Variants in JAZF1 observed in about 807,000 individuals in gnomAD.
The protein encoded by JAZF1 is JAZF zinc finger 1.
A neutral mutation model predicts 26.4 loss-of-function variants in JAZF1; 8 were observed. The ratio of observed to expected loss-of-function variants is 0.30; its 90% confidence interval spans 0.18 to 0.55. The LOEUF (loss-of-function observed/expected upper bound fraction) is 0.55. Ranked by LOEUF, JAZF1 falls within the 20% of genes least tolerant of loss-of-function variation. The probability of loss-of-function intolerance (pLI) is 0.94; values close to 1 mark genes in which losing one functional copy is unlikely to be tolerated. For missense variants in JAZF1, 199 were observed against 322.0 expected (o/e 0.62, Z 2.92); for synonymous variants, 126 against 122.3 (o/e 1.03, Z -0.20).
intron 2 of JAZF1, among the ~76,000 whole-genome samples, chr7:27,961,503 CT>C (rs1349263391): frequency 1.3e-5 from 2 of 152,184 alleles, no homozygotes; most frequent in Non-Finnish European, 2.9e-5. Flanking sequence ...CTGGGAGAAG[CT>C]GGTTTCTATT....
chr7:27,948,568 C>A (rs1784956046), intron 2 of JAZF1, among the ~76,000 whole-genome samples: 1 of 152,210 alleles, frequency 6.6e-6, no homozygotes, highest in Non-Finnish European at 1.5e-5. Context: ...TTGTACACCC[C>A]TGTATTTTCT....
At chr7:28,054,386 C>T (rs1398452547) in intron 1 of JAZF1, among the ~76,000 whole-genome samples, 2 of 152,246 alleles carry the variant, frequency 1.3e-5, no homozygotes, top group Non-Finnish European at 2.9e-5. Context: ...TAGTGTATGG[C>T]AAGGCAGTCA....
At chr7:27,896,893 G>A (rs1439931068) in intron 2 of JAZF1, among the ~76,000 whole-genome samples, 1 of 152,174 alleles carries the variant, frequency 6.6e-6, no homozygotes, top group East Asian at 1.9e-4. Context: ...TGTGCTATAG[G>A]ATAGTGATGA....
At chr7:27,954,386 G>C (rs897113898) in intron 2 of JAZF1, among the ~76,000 whole-genome samples, 4 of 152,318 alleles carry the variant, frequency 2.6e-5, no homozygotes, top group Non-Finnish European at 2.9e-5. Context: ...CTGTGGAACA[G>C]AGTATGGTCG....
At chr7:27,837,793 A>AAAC (rs760498649) in intron 4 of JAZF1, among the ~76,000 whole-genome samples, 38 of 152,224 alleles carry the variant, frequency 2.5e-4, no homozygotes, top group Non-Finnish European at 3.7e-4. Flanking sequence ...AAGGCAGTTC[A>AAAC]GCAGCAGCAG....
chr7:28,159,198 T>A (rs913506394), intron 1 of JAZF1, among the ~76,000 whole-genome samples: 1 of 152,066 alleles, frequency 6.6e-6, no homozygotes, highest in South Asian at 2.1e-4. Flanking sequence ...TCCGAATAGA[T>A]GAGACTTAGA....
chr7:28,023,155 T>A (rs1268361120), intron 1 of JAZF1, among the ~76,000 whole-genome samples: 2 of 152,178 alleles, frequency 1.3e-5, no homozygotes, highest in Non-Finnish European at 2.9e-5. Flanking sequence ...TACCATGGCC[T>A]AGAATGGCCT....
intron 1 of JAZF1, among the ~76,000 whole-genome samples, chr7:28,110,457 GGA>G (rs1784626483): frequency 1.8e-5 from 1 of 55,326 alleles, no homozygotes; most frequent in Admixed American, 2.3e-4. Flanking sequence ...AAAAAGGAAA[GGA>G]AAGGAAAGGA....
chr7:27,854,805 C>G (rs771846602), intron 3 of JAZF1, among the ~76,000 whole-genome samples: 2 of 151,630 alleles, frequency 1.3e-5, no homozygotes, highest in Non-Finnish European at 3.0e-5. Flanking sequence ...TTTAACATTT[C>G]TTTCAACCTT....
chr7:28,134,494 A>G (rs1235646265), intron 1 of JAZF1, among the ~76,000 whole-genome samples: 1 of 139,152 alleles, frequency 7.2e-6, no homozygotes, highest in African/African-American at 2.7e-5. Flanking sequence ...TTAATTTTTC[A>G]TAGAGACTGG....
At chr7:28,132,266 A>G (rs1212637138) in intron 1 of JAZF1, among the ~76,000 whole-genome samples, 1 of 152,240 alleles carries the variant, frequency 6.6e-6, no homozygotes, top group Non-Finnish European at 1.5e-5. Flanking sequence ...AACGAGGATC[A>G]GCAAGGCTCA....
chr7:28,156,245 T>C (rs571053552), intron 1 of JAZF1, among the ~76,000 whole-genome samples: 75 of 152,342 alleles, frequency 4.9e-4, no homozygotes, highest in African/African-American at 1.6e-3. Context: ...TGAAAGTCAC[T>C]GGGTCAAGGC....
chr7:28,108,184 G>C (rs1784584504), intron 1 of JAZF1, among the ~76,000 whole-genome samples: 1 of 152,182 alleles, frequency 6.6e-6, no homozygotes, highest in African/African-American at 2.4e-5. Context: ...CTCAGCCCTT[G>C]CTCTGCCAGG....
intron 3 of JAZF1, among the ~76,000 whole-genome samples, chr7:27,885,212 A>C (rs1161959890): frequency 6.6e-6 from 1 of 152,220 alleles, no homozygotes; most frequent in Non-Finnish European, 1.5e-5. Flanking sequence ...GTGTCCCCCC[A>C]TTCCCAACTG....
chr7:27,904,970 G>A (rs1215761622), intron 2 of JAZF1, among the ~76,000 whole-genome samples: 1 of 152,190 alleles, frequency 6.6e-6, no homozygotes, highest in Non-Finnish European at 1.5e-5. Flanking sequence ...GTCTCACTCT[G>A]TCAACCAGGC....
At chr7:28,097,132 C>T (rs1759313794) in intron 1 of JAZF1, among the ~76,000 whole-genome samples, 1 of 152,098 alleles carries the variant, frequency 6.6e-6, no homozygotes, top group Non-Finnish European at 1.5e-5. Flanking sequence ...CCCCACTTTC[C>T]CACCCAACCT....
intron 4 of JAZF1, among the ~76,000 whole-genome samples, chr7:27,837,822 C>T (rs193261100): frequency 6.6e-6 from 1 of 152,314 alleles, no homozygotes; most frequent in Admixed American, 6.5e-5. Flanking sequence ...AGGAGGCTCC[C>T]TGCTCTCCCT....
intron 1 of JAZF1, among the ~76,000 whole-genome samples, chr7:28,019,482 A>AGG (rs1161529785): frequency 6.6e-6 from 1 of 152,126 alleles, no homozygotes; most frequent in South Asian, 2.1e-4. Context: ...GGCAGATCCT[A>AGG]CAAATTGCTC....
intron 1 of JAZF1, among the ~76,000 whole-genome samples, chr7:28,149,587 C>T (rs902940183): frequency 1.3e-5 from 2 of 152,184 alleles, no homozygotes; most frequent in East Asian, 3.9e-4. Flanking sequence ...GGAGGTGCAT[C>T]CAGTTGGTAA....
Sources: gnomAD v4.1 joint callset for allele counts (sites outside exome capture counted in the v4.1 genomes callset) on GRCh38, gnomAD v4.1.1 for gene constraint, MANE v1.5 for transcripts, NCBI Gene and HGNC (gene_info 2026-07-23, HGNC 2026-07-21) for gene names.